The following FHOD3 variants were observed in gnomAD, a reference collection of about 807,000 sequenced individuals.
FHOD3 encodes the protein formin homology 2 domain containing 3.
Under a neutral mutation model 173.0 loss-of-function variants are expected in FHOD3, and 90 were observed. The ratio of observed to expected loss-of-function variants is 0.52; its 90% CI spans 0.44 to 0.62. FHOD3 has a LOEUF of 0.62. Among genes scored for constraint, FHOD3 ranks in the 20% least tolerant of loss-of-function variants. The pLI is 0.00. For missense variants in FHOD3, 1,945 were observed against 2,034.7 expected, an observed-to-expected ratio of 0.96 and a Z score of 0.85; for synonymous variants, 828 against 823.0, an observed-to-expected ratio of 1.01 and a Z score of -0.10.
chr18:36,602,635 A>C, intron 7 of FHOD3, 39 bp from the exon 8 acceptor site: 3 of 1,396,118 alleles, frequency 2.1e-6, no homozygotes, highest in Admixed American at 1.7e-5. Flanking sequence ...AAGAATGTTG[A>C]TGAATTGCTG....
At position 36,533,717 on chromosome 18, in the gene FHOD3, C is replaced by A. The variant is rs142211049; in HGVS notation, c.511+21174C>A. On this transcript the variant is annotated intron_variant, in intron 5 of 28. Transcript: ENST00000590592. ...GTTATTGGGGAAACCATGGCACAGC[C>A]TGCCCTGACCTCCAAGACCTGCTGA... 5.8e-3 allele frequency among the ~76,000 whole-genome samples: 879 copies of A among 152,274 alleles called. 5 individuals are homozygous for A. The highest frequency in any genetic ancestry group is 0.019 in the African/African-American group (794 of 41,548).
chr18:36,482,912 C>A (rs2054006760), intron 3 of FHOD3, among the ~76,000 whole-genome samples: 1 of 149,300 alleles, frequency 6.7e-6, no homozygotes, highest in South Asian at 2.1e-4. Context: ...ACATTGTAGA[C>A]TACCTGCCAG....
intron 1 of FHOD3, among the ~76,000 whole-genome samples, chr18:36,352,931 C>A (rs1160729335): frequency 6.6e-6 from 1 of 152,148 alleles, no homozygotes; most frequent in Admixed American, 6.5e-5. Flanking sequence ...GTCAACAGGT[C>A]CAATTTCCAT....
At chr18:36,482,858 C>CACACACACAGAGAG (rs1400178557) in intron 3 of FHOD3, among the ~76,000 whole-genome samples, 3 of 130,374 alleles carry the variant, frequency 2.3e-5, no homozygotes, top group African/African-American at 9.3e-5. Flanking sequence ...CACACACACA[C>CACACACACAGAGAG]AGAGAGAGAG....
chr18:36,584,743 G>T (rs2058969602), intron 6 of FHOD3, among the ~76,000 whole-genome samples: 1 of 152,126 alleles, frequency 6.6e-6, no homozygotes, highest in Admixed American at 6.5e-5. Flanking sequence ...TTCATGATCA[G>T]CTTGAATAAC....
intron 3 of FHOD3, among the ~76,000 whole-genome samples, chr18:36,499,770 G>T (rs59392745): frequency 0.01 from 1,580 of 152,294 alleles, 20 homozygotes; most frequent in African/African-American, 0.036. Flanking sequence ...AGATGAATTA[G>T]ATGTTCAGAT....
chr18:36,300,427 C>T (rs953914052), intron 1 of FHOD3, among the ~76,000 whole-genome samples: 1 of 152,206 alleles, frequency 6.6e-6, no homozygotes, highest in African/African-American at 2.4e-5. Context: ...AATTCCTGGC[C>T]TGACACAGAG....
rs114830207 is a variant in FHOD3 at position 36,734,753 on chromosome 18, C to T, written c.3576+3949C>T. Among the ~76,000 whole-genome samples, 328 of 152,244 alleles carry T rather than the reference C, an allele frequency of 2.2e-3. 2 individuals carry two copies. The highest frequency in any genetic ancestry group is 7.6e-3 in the African/African-American group (315 of 41,556). ...TACAGATCTTTGTTAATGAGATTTC[C>T]GGCTTGCACCCAGAGGGCCTTTAGC... On this transcript the variant is annotated intron_variant, in intron 20 of 28. Coordinates refer to ENST00000590592, the MANE Select transcript of FHOD3 (RefSeq NM_001281740.3).
chr18:36,537,461 T>C (rs2057042659), intron 5 of FHOD3, among the ~76,000 whole-genome samples: 1 of 152,126 alleles, frequency 6.6e-6, no homozygotes, highest in Non-Finnish European at 1.5e-5. Context: ...GGACACCACA[T>C]GGGGAACCTG....
intron 3 of FHOD3, among the ~76,000 whole-genome samples, chr18:36,466,288 C>T (rs1390099737): frequency 6.6e-6 from 1 of 152,086 alleles, no homozygotes; most frequent in Non-Finnish European, 1.5e-5. Flanking sequence ...AATGGGATTC[C>T]ACTCATCTGG....
chr18:36,715,161 G>C (rs55992941), intron 18 of FHOD3, among the ~76,000 whole-genome samples: 33,228 of 152,118 alleles, frequency 0.22, 4,332 homozygotes, highest in African/African-American at 0.36. Flanking sequence ...ATCTCATCTT[G>C]AATTATAGTT....
chr18:36,467,517 G>A (rs12606167), intron 3 of FHOD3, among the ~76,000 whole-genome samples: 22,203 of 151,958 alleles, frequency 0.15, 1,777 homozygotes, highest in East Asian at 0.29. Flanking sequence ...TCTAGCCTGC[G>A]CCAGCGTCAC....
At chr18:36,696,305 C>T (rs1169901220) in intron 17 of FHOD3, among the ~76,000 whole-genome samples, 1 of 152,182 alleles carries the variant, frequency 6.6e-6, no homozygotes, top group Non-Finnish European at 1.5e-5. Context: ...AACCCTCTCA[C>T]CAACATCTGC....
chr18:36,377,974 C>T lies in FHOD3; in HGVS notation c.337+5230C>T, dbSNP rs539893673. Reference sequence around the variant, plus strand: ...GATTTGGAGCTGCAGGTGGTACACCCTCTTTGCCCTGTCCCTGGACATCAT... The same window carrying T: ...GATTTGGAGCTGCAGGTGGTACACCTTCTTTGCCCTGTCCCTGGACATCAT... On this transcript the variant is annotated intron_variant, in intron 3 of 28. Coordinates refer to ENST00000590592, the MANE Select transcript of FHOD3 (RefSeq NM_001281740.3). 2.6e-5 allele frequency among the ~76,000 whole-genome samples: 4 copies of T among 152,352 alleles called. No individual in the cohort carries two copies. In the East Asian group the frequency reaches 7.7e-4, roughly 29 times the overall value.
At chr18:36,439,569 ATG>A (rs2051017337) in intron 3 of FHOD3, among the ~76,000 whole-genome samples, 1 of 123,634 alleles carries the variant, frequency 8.1e-6, no homozygotes, top group Non-Finnish European at 1.8e-5. Flanking sequence ...GTGTGTGTGT[ATG>A]TATGTAGTTA....
chr18:36,446,004 C>T (rs1405580494), intron 3 of FHOD3, among the ~76,000 whole-genome samples: 2 of 152,268 alleles, frequency 1.3e-5, no homozygotes, highest in Non-Finnish European at 2.9e-5. Context: ...TCCAGGTCTC[C>T]GTTGATGAAT....
At chr18:36,616,678 C>T (rs2033233548) in intron 9 of FHOD3, among the ~76,000 whole-genome samples, 1 of 152,214 alleles carries the variant, frequency 6.6e-6, no homozygotes, top group African/African-American at 2.4e-5. Context: ...CAGAAGTGTC[C>T]TGACAGCCGC....
chr18:36,548,391 A>G (rs2057501448), intron 5 of FHOD3, among the ~76,000 whole-genome samples: 1 of 152,174 alleles, frequency 6.6e-6, no homozygotes, highest in Non-Finnish European at 1.5e-5. Flanking sequence ...TGATTTTAAA[A>G]CAGATGCTTC....
chr18:36,371,362 G>C (rs1424637132), intron 2 of FHOD3, among the ~76,000 whole-genome samples: 1 of 152,202 alleles, frequency 6.6e-6, no homozygotes, highest in Non-Finnish European at 1.5e-5. Context: ...CATTGCTGGG[G>C]AGGCCTCACA....
Sources: allele counts gnomAD v4.1 joint callset (sites outside exome capture counted in the v4.1 genomes callset), GRCh38; gene constraint gnomAD v4.1.1; transcripts MANE v1.5; gene names NCBI Gene and HGNC (gene_info 2026-07-23, HGNC 2026-07-21).